TYW1: variants seen among roughly 807,000 people sequenced by gnomAD.
TYW1 encodes S-adenosyl-L-methionine-dependent tRNA 4-demethylwyosine synthase TYW1.
TYW1 carries 46 observed loss-of-function variants against 96.2 expected under a neutral mutation model. The observed-to-expected ratio is 0.48, with a 90% confidence interval of 0.38 to 0.61. The LOEUF (loss-of-function observed/expected upper bound fraction) is 0.61, where lower values mean the gene tolerates loss of function less well. Ranked by LOEUF, TYW1 falls within the 20% of genes least tolerant of loss-of-function variation. TYW1 has a pLI of 0.00. For synonymous variants in TYW1, 274 were observed against 323.0 expected (o/e 0.85, Z 1.63); for missense variants, 684 against 909.6 (o/e 0.75, Z 3.19).
chr7:67,104,294 G>A (rs905445966), intron 12 of TYW1, among the ~76,000 whole-genome samples: 1 of 152,186 alleles, frequency 6.6e-6, no homozygotes, highest in Admixed American at 6.5e-5. Context: ...TCTGCGGGCT[G>A]TACAGGAAGC....
intron 13 of TYW1, among the ~76,000 whole-genome samples, chr7:67,139,983 T>C (rs890424636): frequency 6.6e-6 from 1 of 151,976 alleles, no homozygotes; most frequent in Admixed American, 6.6e-5. Flanking sequence ...AGAGGTTTAA[T>C]GGGACTTACA....
intron 13 of TYW1, among the ~76,000 whole-genome samples, chr7:67,155,659 A>G (rs1798946147): frequency 2.0e-5 from 3 of 152,124 alleles, no homozygotes; most frequent in Admixed American, 6.5e-5. Context: ...CCCAGGTTCA[A>G]GTGATTCTCA....
intron 7 of TYW1, among the ~76,000 whole-genome samples, chr7:67,040,911 G>T (rs1314228661): frequency 6.6e-6 from 1 of 152,016 alleles, no homozygotes; most frequent in Non-Finnish European, 1.5e-5. Flanking sequence ...ATAATTTGTG[G>T]GTATGTAATT....
chr7:67,099,228 C>T (rs964872398), intron 12 of TYW1, among the ~76,000 whole-genome samples: 22 of 151,974 alleles, frequency 1.4e-4, no homozygotes, highest in Admixed American at 2.6e-4. Context: ...GATGGGCTTT[C>T]ACCATGTTGG....
In TYW1 at chr7:67,038,337, G is replaced by C. The variant is rs1166656811; in HGVS notation, c.985-11612G>C. On this transcript the variant is annotated intron_variant, in intron 7 of 15. Transcript: ENST00000359626. ...ACGTCCACACCAGGCCGGGCTTGGT[G>C]GCTCATTCCTGTAATCCCAGAACTT... Among the ~76,000 whole-genome samples the C allele has an allele frequency of 3.3e-5, 5 of 151,642 alleles. No individual in the cohort carries two copies. In the South Asian group the frequency reaches 8.3e-4, roughly 25 times the overall value.
chr7:67,006,949 T>C (rs963243627), intron 3 of TYW1, among the ~76,000 whole-genome samples: 4 of 30,382 alleles, frequency 1.3e-4, no homozygotes, highest in African/African-American at 3.7e-4. Context: ...GATGTGAGGC[T>C]TTTTTTTTTT....
chr7:67,034,942 A>T (rs1794785967), intron 7 of TYW1, among the ~76,000 whole-genome samples: 1 of 152,206 alleles, frequency 6.6e-6, no homozygotes, highest in Non-Finnish European at 1.5e-5. Context: ...TAGAAGAGAA[A>T]TGAGAGTACC....
At chr7:67,165,171 C>T (rs1799282158) in intron 13 of TYW1, among the ~76,000 whole-genome samples, 1 of 152,136 alleles carries the variant, frequency 6.6e-6, no homozygotes, top group Non-Finnish European at 1.5e-5. Context: ...CAAATAGTAC[C>T]TCATTACTGC....
intron 15 of TYW1, among the ~76,000 whole-genome samples, chr7:67,210,703 C>T (rs1411832016): frequency 1.2e-5 from 1 of 82,552 alleles, no homozygotes; most frequent in African/African-American, 5.9e-5. Flanking sequence ...TCCATCCATC[C>T]ATCCATTCAT....
At chr7:67,044,111 G>GTTTTT (rs201692947) in intron 7 of TYW1, among the ~76,000 whole-genome samples, 1 of 124,600 alleles carries the variant, frequency 8.0e-6, no homozygotes, top group Non-Finnish European at 1.7e-5. Context: ...ATGAATAAGA[G>GTTTTT]TTTTTTTTTT....
At chr7:67,010,302 T>G (rs753167189) in intron 4 of TYW1, among the ~76,000 whole-genome samples, 2 of 151,404 alleles carry the variant, frequency 1.3e-5, no homozygotes, top group African/African-American at 2.4e-5. Context: ...TGGCCCCTAC[T>G]ATTTTTATTT....
intron 8 of TYW1, among the ~76,000 whole-genome samples, chr7:67,050,501 C>A (rs1161671008): frequency 6.6e-6 from 1 of 152,068 alleles, no homozygotes; most frequent in East Asian, 1.9e-4. Context: ...AAATGGGAAT[C>A]AGTAGACCGA....
At chr7:67,058,136 G>A (rs1342740710) in intron 9 of TYW1, among the ~76,000 whole-genome samples, 9 of 152,074 alleles carry the variant, frequency 5.9e-5, no homozygotes, top group East Asian at 1.9e-4. Flanking sequence ...GGGTTTCACC[G>A]TGTTAGCCAG....
chr7:67,225,068 G>GT (rs1801513752), intron 15 of TYW1, among the ~76,000 whole-genome samples: 1 of 151,856 alleles, frequency 6.6e-6, no homozygotes, highest in South Asian at 2.1e-4. Flanking sequence ...GCACTTGCCT[G>GT]TAATCCTAGC....
chr7:67,080,940 G>GTTTTTTTTTTTTTT (rs71049495), intron 10 of TYW1, among the ~76,000 whole-genome samples: 5 of 37,252 alleles, frequency 1.3e-4, no homozygotes, highest in Non-Finnish European at 1.9e-4. Flanking sequence ...CTTTCTTACT[G>GTTTTTTTTTTTTTT]TTTTTTTTTT....
chr7:67,179,027 G>A (rs1799760280), intron 13 of TYW1, among the ~76,000 whole-genome samples: 1 of 143,494 alleles, frequency 7.0e-6, no homozygotes, highest in African/African-American at 2.7e-5. Flanking sequence ...AGGGCAAGCC[G>A]GTGGTGTTAG....
chr7:67,190,659 C>T (rs539943901), intron 14 of TYW1, among the ~76,000 whole-genome samples: 2 of 152,260 alleles, frequency 1.3e-5, no homozygotes, highest in African/African-American at 2.4e-5. Flanking sequence ...CCATTGTTAG[C>T]GCAAGCTACG....
chr7:67,019,155 G>A (rs1004787205), intron 6 of TYW1, among the ~76,000 whole-genome samples: 4 of 152,162 alleles, frequency 2.6e-5, no homozygotes, highest in African/African-American at 7.2e-5. Context: ...GCTGCTGATT[G>A]TTTGACTATA....
At chr7:67,234,551 CTGT>C (rs1801828074) in intron 15 of TYW1, among the ~76,000 whole-genome samples, 1 of 152,014 alleles carries the variant, frequency 6.6e-6, no homozygotes, top group Non-Finnish European at 1.5e-5. Context: ...AAAGAATTTT[CTGT>C]TGTTTCAGTC....
Sources: allele counts gnomAD v4.1 joint callset (sites outside exome capture counted in the v4.1 genomes callset), GRCh38; gene constraint gnomAD v4.1.1; transcripts MANE v1.5; gene names NCBI Gene and HGNC (gene_info 2026-07-23, HGNC 2026-07-21).